The following ABR variants were observed in gnomAD, a reference collection of about 807,000 sequenced individuals.
ABR encodes the protein active breakpoint cluster region-related protein.
ABR carries 35 observed loss-of-function variants against 107.2 expected under a neutral mutation model. The ratio of observed to expected loss-of-function variants is 0.33; its 90% CI spans 0.25 to 0.43. ABR has a LOEUF of 0.43. Ranked by LOEUF, ABR falls within the 20% of genes least tolerant of loss-of-function variation. The pLI is 1.00. For missense variants in ABR, 815 were observed against 1,115.2 expected, an observed-to-expected ratio of 0.73 and a Z score of 3.83; for synonymous variants, 498 against 462.0, an observed-to-expected ratio of 1.08 and a Z score of -1.00.
chr17:1,219,494 G>T lies in ABR; in HGVS notation c.838+9299C>A, dbSNP rs562584780. Among the ~76,000 whole-genome samples, 12 of 150,238 alleles carry T rather than the reference G, an allele frequency of 8.0e-5. No homozygotes were observed. The East Asian group carries it at 2.4e-3, about 30-fold the overall frequency. On this transcript the variant is annotated intron_variant, in intron 1 of 22. Coordinates refer to the ABR transcript ENST00000574139. ...CGTCAAGACTGATGATGTGCATCTG[G>T]ATTTATTTCATTTTTGCGGTCCTTA...
intron 2 of ABR, among the ~76,000 whole-genome samples, chr17:1,114,400 G>A (rs1211928155): frequency 6.6e-6 from 1 of 150,382 alleles, no homozygotes; most frequent in Non-Finnish European, 1.5e-5. Flanking sequence ...AATCCGGGAG[G>A]CAGTGGTTGC....
At chr17:1,108,583 G>A (rs2038416201) in intron 2 of ABR, among the ~76,000 whole-genome samples, 1 of 152,288 alleles carries the variant, frequency 6.6e-6, no homozygotes, top group East Asian at 1.9e-4. Context: ...TCCTGGCTGG[G>A]AAGAGGGTGG....
At chr17:1,151,465 C>T (rs796984517) in intron 1 of ABR, among the ~76,000 whole-genome samples, 35 of 152,268 alleles carry the variant, frequency 2.3e-4, no homozygotes, top group African/African-American at 8.2e-4. Context: ...GCTTCCTGGG[C>T]GTGACACCCT....
At chr17:1,175,526 C>T (rs1189318537) in intron 1 of ABR, among the ~76,000 whole-genome samples, 2 of 152,178 alleles carry the variant, frequency 1.3e-5, no homozygotes, top group African/African-American at 4.8e-5. Context: ...GTGGCGCAGA[C>T]ACAAGAACTG....
intron 1 of ABR, among the ~76,000 whole-genome samples, chr17:1,205,715 C>T (rs146549699): frequency 6.6e-6 from 1 of 152,276 alleles, no homozygotes; most frequent in East Asian, 1.9e-4. Flanking sequence ...GAGGCCCAGG[C>T]GGGCAGATCA....
chr17:1,173,623 G>A (rs1482542701), intron 1 of ABR, among the ~76,000 whole-genome samples: 3 of 152,108 alleles, frequency 2.0e-5, no homozygotes, highest in Non-Finnish European at 4.4e-5. Context: ...GAAACGCATG[G>A]ACGGGCCAGC....
rs187911079 is a variant in ABR at position 1,091,507 on chromosome 17, C to T, written c.531+158G>A. On this transcript the variant is annotated intron_variant, in intron 4 of 22. Coordinates refer to ENST00000302538, the MANE Select transcript of ABR (RefSeq NM_021962.5). ...GAGTCAAGGCCCCGGCCCCAGGCAC[C>T]CCATAACACACAGGCCCAGGCCTTC... Among the ~76,000 whole-genome samples the T allele has an allele frequency of 1.8e-4, 28 of 152,304 alleles. 1 individual carries two copies. The highest frequency in any genetic ancestry group is 1.8e-3 in the Admixed American group (27 of 15,310).
At chr17:1,048,835 T>C (rs535568219) in intron 16 of ABR, among the ~76,000 whole-genome samples, 142 of 150,816 alleles carry the variant, frequency 9.4e-4, no homozygotes, top group Middle Eastern at 6.8e-3. Context: ...GGATCACGTC[T>C]GCGGCCACTG....
At position 1,078,260 on chromosome 17, in the gene ABR, C is replaced by T. The variant is rs1209941949; in HGVS notation, c.700+1070G>A. On this transcript the variant is annotated intron_variant, in intron 6 of 22. Coordinates refer to ENST00000302538, the MANE Select transcript of ABR (RefSeq NM_021962.5). The surrounding 1 kb of genome is among the most constrained non-coding windows in gnomAD (Gnocchi z 7.5). ...AACAAACCTCTCCTTCCTGCTCCCA[C>T]AGCCCCTCCGTGTCCTCCGCCTACT... Among the ~76,000 whole-genome samples, 1 of 152,210 alleles carries T rather than the reference C, an allele frequency of 6.6e-6. No homozygotes were observed. The highest frequency in any genetic ancestry group is 1.5e-5 in the Non-Finnish European group (1 of 68,032).
intron 18 of ABR, 53 bp from the exon 19 acceptor site, chr17:1,012,038 G>GT (rs1567564520): frequency 6.2e-7 from 1 of 1,606,066 alleles, no homozygotes; most frequent in South Asian, 1.1e-5. Flanking sequence ...CAGCTCTCCC[G>GT]TAGCAACCCC....
chr17:1,190,176 G>T (rs2042400316), upstream of ABR, among the ~76,000 whole-genome samples: 1 of 152,174 alleles, frequency 6.6e-6, no homozygotes, highest in Non-Finnish European at 1.5e-5. Context: ...AGTGCACAGG[G>T]TTCCCTTGTT....
In ABR at chr17:1,078,849, AGAATCTC is replaced by A. The variant is rs1290638753; in HGVS notation, c.700+474_700+480del. 1 of 1,535,478 alleles carries A rather than the reference AGAATCTC, an allele frequency of 6.5e-7. No homozygotes were observed. The highest frequency in any genetic ancestry group is 2.4e-5 in the East Asian group (1 of 40,912). ...GTTACAGCAGAAGCGAATAATGAGG[AGAATCTC>A]CATGGCAGCCTCTGTCCCCGCGGCG... On this transcript the variant is annotated intron_variant, in intron 6 of 22. Transcript: ENST00000302538. The surrounding 1 kb of genome is among the most constrained non-coding windows in gnomAD (Gnocchi z 7.5).
chr17:1,057,822 C>T, intron 12 of ABR, 148 bp downstream of exon 12: 3 of 665,834 alleles, frequency 4.5e-6, no homozygotes, highest in Non-Finnish European at 8.0e-6. Flanking sequence ...TCAATTAATC[C>T]GTAACATCCT....
rs1055123851 is a variant in ABR at position 1,210,281 on chromosome 17, T to G, written c.838+18512A>C. ...ATCCCAACTCTTTGGGAGGCCGAGGTGGGTGAATCACCTGAGGTCAAGAGT... is the reference window on the plus strand; with the variant it reads ...ATCCCAACTCTTTGGGAGGCCGAGGGGGGTGAATCACCTGAGGTCAAGAGT... On this transcript the variant is annotated intron_variant, in intron 1 of 22. Transcript: ENST00000574139. This position sits in a 1 kb window ranked among gnomAD's most constrained non-coding sequence, Gnocchi z 5.6. Among the ~76,000 whole-genome samples, 2 of 152,176 alleles carry G rather than the reference T, an allele frequency of 1.3e-5. No homozygotes were observed. Among genetic ancestry groups the G allele is most frequent in the African/African-American group, 4.8e-5 (2 of 41,432 alleles).
chr17:1,090,927 G>C (rs2036980956), intron 4 of ABR, among the ~76,000 whole-genome samples: 1 of 152,194 alleles, frequency 6.6e-6, no homozygotes, highest in Admixed American at 6.5e-5. Flanking sequence ...GGGTCCTCCA[G>C]GGGACACAGC....
At chr17:1,143,318 A>G (rs71362516) in intron 1 of ABR, among the ~76,000 whole-genome samples, 5 of 6,260 alleles carry the variant, frequency 8.0e-4, no homozygotes, top group African/African-American at 7.4e-4. Flanking sequence ...CTCCTGGGGG[A>G]CAGCTCATTC....
At chr17:1,032,990 G>A (rs1329534966) in intron 16 of ABR, among the ~76,000 whole-genome samples, 1 of 152,184 alleles carries the variant, frequency 6.6e-6, no homozygotes, top group African/African-American at 2.4e-5. Flanking sequence ...CTAGAGAGGT[G>A]AGGACAGGGG....
At chr17:1,034,295 C>T (rs1192978515) in intron 16 of ABR, among the ~76,000 whole-genome samples, 1 of 152,128 alleles carries the variant, frequency 6.6e-6, no homozygotes, top group Non-Finnish European at 1.5e-5. Context: ...GGCCTGGCTG[C>T]GTGCCCGACC....
At chr17:1,108,695 C>G (rs2038427141) in intron 2 of ABR, among the ~76,000 whole-genome samples, 1 of 152,238 alleles carries the variant, frequency 6.6e-6, no homozygotes, top group Admixed American at 6.5e-5. Flanking sequence ...ACTCCTGGCA[C>G]AGCCGCCGGA....
Sources: gnomAD v4.1 joint callset for allele counts (sites outside exome capture counted in the v4.1 genomes callset) on GRCh38, gnomAD v4.1.1 for gene constraint, Gnocchi (gnomAD v3.1) non-coding constraint, MANE v1.5 for transcripts, NCBI Gene and HGNC (gene_info 2026-07-23, HGNC 2026-07-21) for gene names.